The following RALGAPA2 variants were observed in gnomAD, a reference collection of about 807,000 sequenced individuals.
The protein encoded by RALGAPA2 is ral GTPase-activating protein subunit alpha-2.
Under a neutral mutation model 230.4 loss-of-function variants are expected in RALGAPA2, and 139 were observed. That is an observed-to-expected ratio of 0.60 (90% CI 0.53 to 0.69). The LOEUF (loss-of-function observed/expected upper bound fraction) is 0.69, where lower values mean the gene tolerates loss of function less well. RALGAPA2 is among the 30% of genes least tolerant of loss of function. RALGAPA2 has a pLI of 0.00. For missense variants in RALGAPA2, 2,163 were observed against 2,276.0 expected, an observed-to-expected ratio of 0.95 and a Z score of 1.01; for synonymous variants, 847 against 837.8, an observed-to-expected ratio of 1.01 and a Z score of -0.19.
chr20:20,566,093 C>T (rs953476987), intron 23 of RALGAPA2, among the ~76,000 whole-genome samples: 11 of 152,154 alleles, frequency 7.2e-5, no homozygotes, highest in Admixed American at 2.6e-4. Flanking sequence ...ATGGTGGTGC[C>T]GGAGCAGAAC....
At chr20:20,532,837 GA>G (rs1395711800) in intron 26 of RALGAPA2, among the ~76,000 whole-genome samples, 1 of 152,132 alleles carries the variant, frequency 6.6e-6, no homozygotes, top group Non-Finnish European at 1.5e-5. Context: ...ACAGAAAGGA[GA>G]AAGTTCAGTG....
intron 24 of RALGAPA2, among the ~76,000 whole-genome samples, chr20:20,543,661 A>G (rs2063707284): frequency 6.6e-6 from 1 of 152,188 alleles, no homozygotes; most frequent in East Asian, 1.9e-4. Context: ...GTTCTCACTC[A>G]TAGGTGAGAA....
intron 3 of RALGAPA2, among the ~76,000 whole-genome samples, chr20:20,674,776 A>G (rs1257280055): frequency 6.6e-6 from 1 of 152,266 alleles, no homozygotes; most frequent in Non-Finnish European, 1.5e-5. Context: ...TATTACACTC[A>G]AAACAAAACA....
At chr20:20,401,307 T>A (rs1275856221) in intron 38 of RALGAPA2, among the ~76,000 whole-genome samples, 1 of 151,900 alleles carries the variant, frequency 6.6e-6, no homozygotes, top group East Asian at 1.9e-4. Context: ...AGAAGAAAAA[T>A]CCCCTGGGGC....
At chr20:20,598,884 T>C in intron 16 of RALGAPA2, 1 of 389,442 alleles carries the variant, frequency 2.6e-6, no homozygotes, top group Admixed American at 3.4e-5. Context: ...TTTATTATTA[T>C]TACTTTTCTG....
At chr20:20,483,118 T>C (rs1490458948) in intron 36 of RALGAPA2, among the ~76,000 whole-genome samples, 1 of 152,158 alleles carries the variant, frequency 6.6e-6, no homozygotes, top group African/African-American at 2.4e-5. Flanking sequence ...AGGCTGCAGA[T>C]CTGTTGGGTG....
intron 37 of RALGAPA2, among the ~76,000 whole-genome samples, chr20:20,420,576 T>C (rs2145242): frequency 0.66 from 99,709 of 151,958 alleles, 32,880 homozygotes; most frequent in African/African-American, 0.74. Context: ...GAGAGGGCCA[T>C]GCTGGGTGAC....
intron 4 of RALGAPA2, among the ~76,000 whole-genome samples, chr20:20,645,662 TGGGA>T (rs2067188494): frequency 6.6e-6 from 1 of 152,192 alleles, no homozygotes; most frequent in East Asian, 1.9e-4. Context: ...CGTTTGTACA[TGGGA>T]AGCAGTACAG....
intron 13 of RALGAPA2, 102 bp downstream of exon 13, chr20:20,615,941 A>G (rs937477863): frequency 1.1e-6 from 1 of 950,762 alleles, no homozygotes; most frequent in African/African-American, 1.7e-5. Context: ...TTTGTTGTTA[A>G]GTTCGTAAAA....
At chr20:20,562,849 GA>G (rs1470581535) in intron 23 of RALGAPA2, among the ~76,000 whole-genome samples, 1 of 152,090 alleles carries the variant, frequency 6.6e-6, no homozygotes, top group Non-Finnish European at 1.5e-5. Context: ...ATAAAAAAAA[GA>G]AAAAATATCT....
At chr20:20,637,118 A>G (rs545189606) in intron 8 of RALGAPA2, among the ~76,000 whole-genome samples, 7 of 152,204 alleles carry the variant, frequency 4.6e-5, no homozygotes, top group Non-Finnish European at 1.0e-4. Context: ...TCATAAATAC[A>G]TTTCAAATTA....
intron 38 of RALGAPA2, among the ~76,000 whole-genome samples, chr20:20,400,880 A>G (rs2059819392): frequency 6.6e-6 from 1 of 152,270 alleles, no homozygotes; most frequent in African/African-American, 2.4e-5. Context: ...TATGGGCTAC[A>G]CATGGAGGCA....
At position 20,583,134 on chromosome 20, in the gene RALGAPA2, G is replaced by C; in HGVS notation, c.2623C>G (p.Leu875Val). 1.2e-6 allele frequency: 2 copies of C among 1,613,710 alleles called. No homozygotes were observed. The highest frequency in any genetic ancestry group is 8.5e-7 in the Non-Finnish European group (1 of 1,179,722). ...PWQTCEEDPE[L>V]NTPTDVVADA... ...GCCACAACATCTGTGGGAGTATTCA[G>C]TTCTGGGTCTTCCTCACAGGTCTGC... Residue 875 changes from leucine (L) to valine (V), a missense_variant, in exon 20 of 40, where the codon CTG becomes GTG. Coordinates refer to ENST00000202677, the MANE Select transcript of RALGAPA2 (RefSeq NM_020343.4).
chr20:20,627,055 G>A (rs967679261), intron 10 of RALGAPA2, among the ~76,000 whole-genome samples: 4 of 152,176 alleles, frequency 2.6e-5, no homozygotes, highest in Admixed American at 2.6e-4. Flanking sequence ...TGTAGGGAAT[G>A]GGGTAGATTT....
chr20:20,523,971 G>T (rs187831780), intron 30 of RALGAPA2, among the ~76,000 whole-genome samples: 27 of 149,804 alleles, frequency 1.8e-4, no homozygotes, highest in South Asian at 6.2e-4. Flanking sequence ...TACTTTTTTG[G>T]GGGGGGATGG....
intron 10 of RALGAPA2, among the ~76,000 whole-genome samples, chr20:20,624,666 C>T (rs2066436093): frequency 6.6e-6 from 1 of 152,038 alleles, no homozygotes; most frequent in African/African-American, 2.4e-5. Context: ...AGCAGGAAAC[C>T]CATAGTGCTA....
At position 20,629,563 on chromosome 20, in the gene RALGAPA2, T is replaced by C; in HGVS notation, c.1033A>G (p.Arg345Gly). ...CCACCACCATCCAGCTCAGGCGCTC[T>C]CTCCTGCACAGCACCACCACCAACA... The part of the protein sequence containing the change: ...QTVGGGAVQE[R>G]APELDGGGPT... Residue 345 changes from arginine to glycine, a missense_variant, in exon 10 of 40, where the codon AGA (arginine) becomes GGA (glycine). Arg to Gly is a moderately radical substitution (Grantham distance 125, BLOSUM62 -2). Transcript: ENST00000202677. 6.2e-7 allele frequency: 1 copy of C among 1,613,530 alleles called. No homozygotes were observed. Among genetic ancestry groups the C allele is most frequent in the African/African-American group, 1.3e-5 (1 of 75,008 alleles).
chr20:20,576,334 T>C (rs908625366), intron 20 of RALGAPA2, among the ~76,000 whole-genome samples: 1 of 152,128 alleles, frequency 6.6e-6, no homozygotes, highest in Non-Finnish European at 1.5e-5. Context: ...GGATATCACA[T>C]AACAAATAGC....
At chr20:20,478,504 A>C (rs2061699591) in intron 36 of RALGAPA2, among the ~76,000 whole-genome samples, 1 of 152,148 alleles carries the variant, frequency 6.6e-6, no homozygotes, top group South Asian at 2.1e-4. Flanking sequence ...ATAAAGAAAA[A>C]AAAAAAATCA....
Sources: gnomAD v4.1 joint callset for allele counts (sites outside exome capture counted in the v4.1 genomes callset) on GRCh38, gnomAD v4.1.1 for gene constraint, MANE v1.5 for transcripts, NCBI Gene and HGNC (gene_info 2026-07-23, HGNC 2026-07-21) for gene names.